Variants in PCDHA1 observed in about 807,000 individuals in gnomAD.
The protein encoded by PCDHA1 is protocadherin alpha-1.
Under a neutral mutation model 61.3 loss-of-function variants are expected in PCDHA1, and 42 were observed. The observed-to-expected ratio is 0.69, with a 90% confidence interval of 0.54 to 0.89. PCDHA1 has a LOEUF of 0.89. Ranked by LOEUF, PCDHA1 falls within the 40% of genes least tolerant of loss-of-function variation. The probability of loss-of-function intolerance (pLI) is 0.00; values close to 1 mark genes in which losing one functional copy is unlikely to be tolerated. For synonymous variants in PCDHA1, 610 were observed against 553.8 expected (o/e 1.10, Z -1.43); for missense variants, 1,256 against 1,235.3 (o/e 1.02, Z -0.25).
chr5:140,858,495 G>T, intron 1 of PCDHA1: 1 of 1,481,630 alleles, frequency 6.7e-7, no homozygotes, highest in Non-Finnish European at 9.2e-7. Flanking sequence ...TTCTCTTACC[G>T]CATTTTCTCA....
At position 140,883,117 on chromosome 5, in the gene PCDHA1, G is replaced by T. The variant is rs782191143; in HGVS notation, c.2394+94433G>T. Reference sequence around the variant, plus strand: ...GAGATATAGTTTACTCATTTAGAAGGCCTGTATGGCCTGCAGTGGTATATG... The same window carrying T: ...GAGATATAGTTTACTCATTTAGAAGTCCTGTATGGCCTGCAGTGGTATATG... On this transcript the variant is annotated intron_variant, in intron 1 of 3. Transcript: ENST00000504120. 2.5e-6 allele frequency: 4 copies of T among 1,613,898 alleles called. No homozygotes were observed. Among genetic ancestry groups the T allele is most frequent in the Admixed American group, 3.3e-5 (2 of 59,964 alleles).
intron 1 of PCDHA1, among the ~76,000 whole-genome samples, chr5:140,890,337 A>G (rs1256335004): frequency 3.3e-5 from 5 of 152,192 alleles, no homozygotes; most frequent in African/African-American, 1.2e-4. Flanking sequence ...GGTAGTTGGG[A>G]TGGTTTACTA....
At chr5:140,824,211 A>C (rs1238500451) in intron 1 of PCDHA1, 1 of 1,581,562 alleles carries the variant, frequency 6.3e-7, no homozygotes, top group East Asian at 2.2e-5. Context: ...TTTTGTATTT[A>C]AAAATTATGT....
chr5:140,946,629 T>TATATATATATATATATATATAC (rs1367833800), intron 1 of PCDHA1, among the ~76,000 whole-genome samples: 1 of 123,274 alleles, frequency 8.1e-6, no homozygotes, highest in African/African-American at 3.0e-5. Context: ...TATATATATA[T>TATATATATATATATATATATAC]ATACAATGGA....
At chr5:140,909,235 A>G (rs1554193708) in intron 1 of PCDHA1, among the ~76,000 whole-genome samples, 1 of 152,182 alleles carries the variant, frequency 6.6e-6, no homozygotes, top group African/African-American at 2.4e-5. Flanking sequence ...TAGGATGGTA[A>G]AGATATATTG....
At chr5:140,947,642 C>T (rs62384502) in intron 1 of PCDHA1, among the ~76,000 whole-genome samples, 2 of 151,520 alleles carry the variant, frequency 1.3e-5, no homozygotes, top group East Asian at 1.9e-4. Context: ...ATCGTATGAA[C>T]ATATATACCT....
intron 1 of PCDHA1, among the ~76,000 whole-genome samples, chr5:140,976,227 T>C (rs2096706900): frequency 6.6e-6 from 1 of 152,050 alleles, no homozygotes; most frequent in East Asian, 1.9e-4. Context: ...AGAAGAAAAA[T>C]ATATGTCATT....
intron 1 of PCDHA1, chr5:140,856,463 C>T (rs782279735): frequency 1.3e-6 from 2 of 1,598,356 alleles, no homozygotes; most frequent in Admixed American, 3.4e-5. Context: ...AGAACAAAAG[C>T]TCTCAATACC....
At chr5:140,851,138 G>T in intron 1 of PCDHA1, 2 of 1,312,402 alleles carry the variant, frequency 1.5e-6, no homozygotes, top group Non-Finnish European at 2.0e-6. Context: ...TGTGATTAAA[G>T]TGACATTGAA....
intron 1 of PCDHA1, chr5:140,857,881 G>T: frequency 6.3e-7 from 1 of 1,597,760 alleles, no homozygotes; most frequent in Non-Finnish European, 8.6e-7. Context: ...ATGAATTGCA[G>T]TCGGCGGCGG....
intron 1 of PCDHA1, chr5:140,803,166 C>T: frequency 6.2e-7 from 1 of 1,613,914 alleles, no homozygotes; most frequent in Non-Finnish European, 8.5e-7. Context: ...CCACGGTGAA[C>T]CCTCATTGAC....
intron 1 of PCDHA1, chr5:140,868,241 T>C (rs1042254119): frequency 2.0e-5 from 3 of 152,140 alleles, no homozygotes; most frequent in Non-Finnish European, 4.4e-5. Flanking sequence ...TCTAGATCAA[T>C]AGACTTTTCC....
At chr5:140,913,657 G>A (rs1554196018) in intron 1 of PCDHA1, among the ~76,000 whole-genome samples, 1 of 152,170 alleles carries the variant, frequency 6.6e-6, no homozygotes, top group Non-Finnish European at 1.5e-5. Context: ...TCTTTAAGAT[G>A]TATAGTTAGG....
intron 3 of PCDHA1, among the ~76,000 whole-genome samples, chr5:140,986,890 G>A (rs965456573): frequency 6.6e-6 from 1 of 152,124 alleles, no homozygotes; most frequent in Non-Finnish European, 1.5e-5. Flanking sequence ...CAAATTCTTA[G>A]GCCCTATCCT....
chr5:140,886,689 G>T (rs1267444522), intron 1 of PCDHA1, among the ~76,000 whole-genome samples: 1 of 152,022 alleles, frequency 6.6e-6, no homozygotes, highest in Admixed American at 6.5e-5. Context: ...AGCGAGGCAT[G>T]GTGGCACGCG....
At chr5:140,929,207 G>A (rs782298445) in intron 1 of PCDHA1, 6 of 1,614,104 alleles carry the variant, frequency 3.7e-6, no homozygotes, top group East Asian at 2.2e-5. Flanking sequence ...TTGCTGTTGC[G>A]TGGGGAGTAC....
At chr5:140,956,504 T>C (rs577559329) in intron 1 of PCDHA1, among the ~76,000 whole-genome samples, 1 of 152,352 alleles carries the variant, frequency 6.6e-6, no homozygotes, top group South Asian at 2.1e-4. Context: ...TGAAGCCTAC[T>C]TGATCATGGT....
At chr5:140,884,501 G>T (rs2060219226) in intron 1 of PCDHA1, 2 of 1,614,146 alleles carry the variant, frequency 1.2e-6, no homozygotes, top group Non-Finnish European at 1.7e-6. Context: ...CTCCAGCGCG[G>T]CAGGGAGTTG....
chr5:140,796,082 C>T (rs781801031), intron 1 of PCDHA1: 12 of 1,614,076 alleles, frequency 7.4e-6, no homozygotes, highest in Non-Finnish European at 9.3e-6. Flanking sequence ...GCTCTCATCA[C>T]GGTGTCGGAT....
Sources: allele counts gnomAD v4.1 joint callset (sites outside exome capture counted in the v4.1 genomes callset), GRCh38; gene constraint gnomAD v4.1.1; transcripts MANE v1.5; gene names NCBI Gene and HGNC (gene_info 2026-07-23, HGNC 2026-07-21).